Variants in DPYD observed in about 807,000 individuals in gnomAD.
The protein encoded by DPYD is dihydropyrimidine dehydrogenase [NADP(+)].
In DPYD, 109 loss-of-function variants were observed where a neutral mutation model predicts 116.2. That is an observed-to-expected ratio of 0.94 (90% CI 0.80 to 1.10). DPYD has a LOEUF of 1.10. DPYD is among the 50% of genes least tolerant of loss of function. The pLI is 0.00. For missense variants in DPYD, 1,302 were observed against 1,254.5 expected (o/e 1.04, Z -0.57); for synonymous variants, 440 against 432.0 (o/e 1.02, Z -0.23).
chr1:97,418,446 G>A (rs1273372261), intron 14 of DPYD, among the ~76,000 whole-genome samples: 1 of 151,772 alleles, frequency 6.6e-6, no homozygotes, highest in Non-Finnish European at 1.5e-5. Context: ...GATTACAGGT[G>A]CCTGCCACCA....
chr1:97,548,769 T>A (rs1304310398), intron 12 of DPYD, among the ~76,000 whole-genome samples: 1 of 152,054 alleles, frequency 6.6e-6, no homozygotes, highest in Non-Finnish European at 1.5e-5. Context: ...TAATTTAATT[T>A]AAAAAATAAA....
intron 3 of DPYD, among the ~76,000 whole-genome samples, chr1:97,755,104 A>T (rs1665154177): frequency 6.6e-6 from 1 of 152,162 alleles, no homozygotes; most frequent in Non-Finnish European, 1.5e-5. Flanking sequence ...CCTTGCACCA[A>T]CCCGGTTCTC....
chr1:97,531,431 GTA>G (rs1440181304), intron 12 of DPYD, among the ~76,000 whole-genome samples: 4 of 152,082 alleles, frequency 2.6e-5, no homozygotes, highest in African/African-American at 9.7e-5. Context: ...TGTATATGTT[GTA>G]TAGTTGACTG....
intron 8 of DPYD, among the ~76,000 whole-genome samples, chr1:97,650,830 A>G (rs1467412947): frequency 6.6e-6 from 1 of 152,042 alleles, no homozygotes; most frequent in African/African-American, 2.4e-5. Flanking sequence ...TCCACAGTGA[A>G]TAATTCAAGG....
Position 97,234,851 on chromosome 1 carries a change from C to A in DPYD, c.2442+1G>T, listed in dbSNP as rs1252510761. The A allele has an allele frequency of 1.2e-6, 2 of 1,613,644 alleles. No individual in the cohort carries two copies. Among genetic ancestry groups the A allele is most frequent in the Non-Finnish European group, 1.7e-6 (2 of 1,179,914 alleles). ...AAGGGACAGACAAACACAATGACTA[C>A]CTGGAGGACGGAAGCACCACTATGG... On this transcript the variant is annotated splice_donor_variant, in intron 19 of 22. Transcript: ENST00000370192. LOFTEE classifies it high-confidence loss of function.
chr1:97,296,819 A>G (rs1666567991), intron 18 of DPYD, among the ~76,000 whole-genome samples: 1 of 152,176 alleles, frequency 6.6e-6, no homozygotes, highest in South Asian at 2.1e-4. Context: ...TTAAGGAGGA[A>G]AAAAGAGGCA....
At chr1:97,764,033 C>T (rs1665719485) in intron 3 of DPYD, among the ~76,000 whole-genome samples, 1 of 151,916 alleles carries the variant, frequency 6.6e-6, no homozygotes, top group Admixed American at 6.6e-5. Flanking sequence ...AAAATAATAA[C>T]ACTGCTGACA....
At chr1:97,562,337 T>C (rs2102138164) in intron 11 of DPYD, among the ~76,000 whole-genome samples, 1 of 152,304 alleles carries the variant, frequency 6.6e-6, no homozygotes, top group East Asian at 1.9e-4. Flanking sequence ...TTAAACCAAA[T>C]GAATTGTAAA....
chr1:97,514,189 C>A (rs1447873120), intron 13 of DPYD: 2 of 984,732 alleles, frequency 2.0e-6, no homozygotes, highest in East Asian at 2.3e-4. Flanking sequence ...TTTATTTCTG[C>A]TGGTGATCCT....
chr1:97,363,120 AC>A (rs1405693479), intron 16 of DPYD, among the ~76,000 whole-genome samples: 2 of 152,130 alleles, frequency 1.3e-5, no homozygotes, highest in Non-Finnish European at 2.9e-5. Context: ...AAAACATACA[AC>A]CCCATCAAAA....
At position 97,593,397 on chromosome 1, in the gene DPYD, G is replaced by A. The variant is rs1288107073; in HGVS notation, c.959-10C>T. ...TGACAGGCGCACATTCCTGAATGAT[G>A]AAAGGAAAACCCCATTTTCAAGTAG... On this transcript the variant is annotated splice_polypyrimidine_tract_variant and intron_variant, in intron 9 of 22. Coordinates refer to ENST00000370192, the MANE Select transcript of DPYD (RefSeq NM_000110.4). 5.6e-6 allele frequency: 9 copies of A among 1,613,790 alleles called. No homozygotes were observed. The highest frequency in any genetic ancestry group is 7.6e-6 in the Non-Finnish European group (9 of 1,179,988).
chr1:97,079,030 T>G lies in DPYD; in HGVS notation c.3024A>C (p.Thr1008=), dbSNP rs753873495. The G allele has an allele frequency of 1.2e-6, 2 of 1,613,782 alleles. No homozygotes were observed. The highest frequency in any genetic ancestry group is 2.2e-5 in the South Asian group (2 of 91,074). ...IVDCIKMVSR[T]TPYEPKRGVP... ...CGCCTCTCTTTGGTTCATAAGGTGT[T>G]GTCCTGGAAACCATTTTGATGCAGT... is the stretch of plus-strand genomic sequence containing the variant. Residue 1008 remains threonine, a synonymous_variant, in exon 23 of 23, where the codon ACA becomes ACC. Coordinates refer to ENST00000370192, the MANE Select transcript of DPYD (RefSeq NM_000110.4).
intron 3 of DPYD, among the ~76,000 whole-genome samples, chr1:97,775,180 T>A (rs1449593260): frequency 6.6e-6 from 1 of 152,236 alleles, no homozygotes; most frequent in African/African-American, 2.4e-5. Flanking sequence ...GTTTTTTTCC[T>A]AATAGGTTAG....
At chr1:97,447,884 T>C (rs144210838) in intron 14 of DPYD, among the ~76,000 whole-genome samples, 80 of 152,298 alleles carry the variant, frequency 5.3e-4, no homozygotes, top group African/African-American at 1.7e-3. Flanking sequence ...CTAGATACTA[T>C]TGAATCAGTA....
At chr1:97,670,734 C>A (rs1023468033) in intron 8 of DPYD, among the ~76,000 whole-genome samples, 1 of 152,166 alleles carries the variant, frequency 6.6e-6, no homozygotes. Flanking sequence ...AAAAATGTAA[C>A]TGGCAGCCAT....
At chr1:97,580,203 A>G (rs943251209) in intron 10 of DPYD, among the ~76,000 whole-genome samples, 2 of 152,256 alleles carry the variant, frequency 1.3e-5, no homozygotes, top group African/African-American at 4.8e-5. Context: ...ACTTCTAATA[A>G]GCCAAAGTTT....
rs1206410719 is a variant in DPYD at position 97,712,357 on chromosome 1, TATTGAG to T, written c.483+9147_483+9152del. Among the ~76,000 whole-genome samples the T allele has an allele frequency of 2.6e-5, 4 of 152,076 alleles. No homozygotes were observed. The East Asian group carries it at 7.7e-4, about 29-fold the overall frequency. The stretch of plus-strand genomic sequence containing the variant: ...TATCCAGCCCAAAACTGACCTTTTC[TATTGAG>T]ATTGTCATTATAGTGTAAATTTACA... On this transcript the variant is annotated intron_variant, in intron 5 of 22. Transcript: ENST00000370192.
At chr1:97,748,848 T>C (rs966166162) in intron 3 of DPYD, among the ~76,000 whole-genome samples, 4 of 152,182 alleles carry the variant, frequency 2.6e-5, no homozygotes, top group Non-Finnish European at 5.9e-5. Flanking sequence ...ATGGTAATGG[T>C]ATGATGTAAA....
At chr1:97,641,609 A>C (rs1657910769) in intron 8 of DPYD, among the ~76,000 whole-genome samples, 1 of 152,190 alleles carries the variant, frequency 6.6e-6, no homozygotes, top group South Asian at 2.1e-4. Flanking sequence ...TCAAAATAAT[A>C]AGAGCAGTTT....
Sources: allele counts gnomAD v4.1 joint callset (sites outside exome capture counted in the v4.1 genomes callset), GRCh38; gene constraint gnomAD v4.1.1; transcripts MANE v1.5; gene names NCBI Gene and HGNC (gene_info 2026-07-23, HGNC 2026-07-21).